The following NCOR2 variants were observed in gnomAD, a reference collection of about 807,000 sequenced individuals.
NCOR2 encodes the protein CTG repeat protein 26.
NCOR2 carries 81 observed loss-of-function variants against 262.9 expected under a neutral mutation model. The ratio of observed to expected loss-of-function variants is 0.31; its 90% CI spans 0.26 to 0.37. The LOEUF (loss-of-function observed/expected upper bound fraction) is 0.37, where lower values mean the gene tolerates loss of function less well. Among genes scored for constraint, NCOR2 ranks in the 10% least tolerant of loss-of-function variants. The probability of loss-of-function intolerance (pLI) is 1.00; values close to 1 mark genes in which losing one functional copy is unlikely to be tolerated. For synonymous variants in NCOR2, 1,659 were observed against 1,559.3 expected (o/e 1.06, Z -1.51); for missense variants, 3,385 against 3,621.4 (o/e 0.93, Z 1.68).
chr12:124,498,790 G>C (rs1470359968), upstream of NCOR2, among the ~76,000 whole-genome samples: 2 of 152,178 alleles, frequency 1.3e-5, no homozygotes, highest in African/African-American at 4.8e-5. Flanking sequence ...CCCTACGATG[G>C]AGTATTACTC....
At chr12:124,439,414 CAG>C (rs773057938) in intron 7 of NCOR2, among the ~76,000 whole-genome samples, 4 of 35,220 alleles carry the variant, frequency 1.1e-4, no homozygotes, top group Admixed American at 3.3e-4. Flanking sequence ...GACAGAGACC[CAG>C]AGAGAGAGAG....
At chr12:124,560,887 T>C (rs1297828438) in intron 1 of NCOR2, among the ~76,000 whole-genome samples, 1 of 152,250 alleles carries the variant, frequency 6.6e-6, no homozygotes, top group East Asian at 1.9e-4. Context: ...TTACTTTTTG[T>C]TTTTCTACAT....
At chr12:124,363,606 G>T in intron 21 of NCOR2, 73 bp downstream of exon 23, 7 of 1,277,826 alleles carry the variant, frequency 5.5e-6, no homozygotes, top group Non-Finnish European at 7.1e-6. Flanking sequence ...CCGCCCGTGG[G>T]ATTCTCTGTC....
chr12:124,404,537 G>GA (rs550580596), intron 13 of NCOR2, among the ~76,000 whole-genome samples: 73 of 152,308 alleles, frequency 4.8e-4, no homozygotes, highest in African/African-American at 1.5e-3. Flanking sequence ...ATGGACCAAC[G>GA]AATCAGGCTA....
chr12:124,518,966 C>G (rs2050007064), intron 1 of NCOR2, among the ~76,000 whole-genome samples: 1 of 152,164 alleles, frequency 6.6e-6, no homozygotes, highest in South Asian at 2.1e-4. Context: ...AGCAGGCTCT[C>G]CCTTGCAAAT....
intron 19 of NCOR2, 150 bp from the exon 22 acceptor site, chr12:124,372,760 G>A (rs1249381480): frequency 4.4e-6 from 3 of 681,088 alleles, no homozygotes; most frequent in Non-Finnish European, 7.2e-6. Flanking sequence ...GCTGCCTAGA[G>A]CCCCACCCCT....
At chr12:124,525,542 A>G (rs1402506549) in intron 1 of NCOR2, among the ~76,000 whole-genome samples, 1 of 152,206 alleles carries the variant, frequency 6.6e-6, no homozygotes, top group East Asian at 1.9e-4. Context: ...GGGGACACCA[A>G]TCTGGCTGCA....
intron 18 of NCOR2, among the ~76,000 whole-genome samples, chr12:124,376,107 A>G (rs1466800020): frequency 6.6e-6 from 1 of 152,116 alleles, no homozygotes; most frequent in Non-Finnish European, 1.5e-5. Context: ...CGTCCTTAAG[A>G]TGGGCTAACA....
chr12:124,371,889 C>G lies in NCOR2; in HGVS notation c.2807+133G>C. On this transcript the variant is annotated intron_variant, in intron 20 of 46. Coordinates refer to ENST00000405201, the Ensembl canonical transcript of NCOR2. ...CTCATTCCTGGACTCTACTCCAAGTCTGCCTCCCTAACCACACCTCGGGCT... is the reference window on the plus strand; with the variant it reads ...CTCATTCCTGGACTCTACTCCAAGTGTGCCTCCCTAACCACACCTCGGGCT... The G allele has an allele frequency of 3.3e-6, 3 of 900,346 alleles. No individual in the cohort carries two copies. The South Asian group carries it at 5.8e-5, about 17-fold the overall frequency. 55.8% of individuals were successfully genotyped at this position (900,346 alleles called of 1,614,324 possible).
chr12:124,411,502 G>T (rs530605291), intron 13 of NCOR2, among the ~76,000 whole-genome samples: 7 of 152,226 alleles, frequency 4.6e-5, no homozygotes, highest in African/African-American at 1.2e-4. Flanking sequence ...AGAAAGAGAG[G>T]CCCCCTTGGC....
intron 10 of NCOR2, among the ~76,000 whole-genome samples, chr12:124,428,756 A>G (rs1374395364): frequency 6.6e-6 from 1 of 152,226 alleles, no homozygotes; most frequent in Non-Finnish European, 1.5e-5. Flanking sequence ...TTTTGATTTC[A>G]ATAGCCATGC....
intron 6 of NCOR2, among the ~76,000 whole-genome samples, chr12:124,456,741 G>A (rs1449955662): frequency 5.3e-5 from 8 of 152,226 alleles, no homozygotes; most frequent in Admixed American, 5.2e-4. Flanking sequence ...AGTGGACCGA[G>A]ATTGTGTGAC....
intron 1 of NCOR2, among the ~76,000 whole-genome samples, chr12:124,512,023 T>C (rs747012262): frequency 5.3e-5 from 8 of 152,194 alleles, no homozygotes; most frequent in Non-Finnish European, 7.3e-5. Context: ...CTGGGCTCAA[T>C]TGATCCTCCT....
chr12:124,517,156 G>C lies in NCOR2; in HGVS notation c.-118+18409C>G, dbSNP rs1195693827. Among the ~76,000 whole-genome samples the C allele has an allele frequency of 6.6e-6, 1 of 151,686 alleles. No homozygotes were observed. The highest frequency in any genetic ancestry group is 1.5e-5 in the Non-Finnish European group (1 of 67,914). On this transcript the variant is annotated intron_variant, in intron 1 of 46. Coordinates refer to the NCOR2 transcript ENST00000404621. The surrounding 1 kb of genome is among the most constrained non-coding windows in gnomAD (Gnocchi z 7.6). Reference sequence around the variant, plus strand: ...CGAGGAAACTGAGGTCTGCAAAGGGGAGGCAACACGCCCAAGGTCACACAG... The same window carrying C: ...CGAGGAAACTGAGGTCTGCAAAGGGCAGGCAACACGCCCAAGGTCACACAG...
intron 21 of NCOR2, 101 bp downstream of exon 23, chr12:124,363,578 G>C (rs921897256): frequency 1.1e-5 from 12 of 1,090,158 alleles, no homozygotes; most frequent in Non-Finnish European, 1.3e-5. Flanking sequence ...GGATGAGCTA[G>C]GCTGCAGGTG....
intron 13 of NCOR2, among the ~76,000 whole-genome samples, chr12:124,408,130 G>A (rs986149233): frequency 2.0e-5 from 3 of 152,120 alleles, no homozygotes; most frequent in Non-Finnish European, 4.4e-5. Flanking sequence ...CGAGGCCGGC[G>A]GATCATGAGG....
chr12:124,562,908 C>T (rs925216821), intron 1 of NCOR2, among the ~76,000 whole-genome samples: 2 of 152,034 alleles, frequency 1.3e-5, no homozygotes, highest in Non-Finnish European at 2.9e-5. Context: ...GTGTGTCCTG[C>T]GACACACAGG....
chr12:124,448,959 G>A (rs1416492648), intron 7 of NCOR2, among the ~76,000 whole-genome samples: 1 of 152,164 alleles, frequency 6.6e-6, no homozygotes, highest in Non-Finnish European at 1.5e-5. Context: ...TGATCCTGAA[G>A]AGTCTCACCT....
chr12:124,366,316 C>A (rs912964226), intron 20 of NCOR2, among the ~76,000 whole-genome samples: 1 of 152,164 alleles, frequency 6.6e-6, no homozygotes, highest in Non-Finnish European at 1.5e-5. Flanking sequence ...AGACACGATG[C>A]GCGTGAAACA....
Sources: allele counts gnomAD v4.1 joint callset (sites outside exome capture counted in the v4.1 genomes callset), GRCh38; gene constraint gnomAD v4.1.1; non-coding constraint Gnocchi (gnomAD v3.1); transcripts MANE v1.5; gene names NCBI Gene and HGNC (gene_info 2026-07-23, HGNC 2026-07-21).